The following ERC2 variants were observed in gnomAD, a reference collection of about 807,000 sequenced individuals.
The protein encoded by ERC2 is ERC protein 2.
In ERC2, 42 loss-of-function variants were observed where a neutral mutation model predicts 114.8. The observed-to-expected ratio is 0.37, with a 90% CI of 0.29 to 0.47. The LOEUF (loss-of-function observed/expected upper bound fraction) is 0.47. ERC2 is among the 20% of genes least tolerant of loss of function. The pLI, the probability that ERC2 is intolerant of heterozygous loss-of-function variation, is 0.99. For synonymous variants in ERC2, 454 were observed against 425.5 expected (o/e 1.07, Z -0.82); for missense variants, 939 against 1,150.7 (o/e 0.82, Z 2.66).
At chr3:56,022,129 C>T (rs933488404) in intron 7 of ERC2, among the ~76,000 whole-genome samples, 1 of 152,074 alleles carries the variant, frequency 6.6e-6, no homozygotes, top group Non-Finnish European at 1.5e-5. Flanking sequence ...GCCTATTATG[C>T]AAGTATTTAA....
chr3:56,082,690 C>A (rs894639308), intron 6 of ERC2, among the ~76,000 whole-genome samples: 1 of 152,080 alleles, frequency 6.6e-6, no homozygotes, highest in Non-Finnish European at 1.5e-5. Context: ...ATGTTTACTA[C>A]AACAAATCAA....
At chr3:56,022,181 G>C (rs943652103) in intron 7 of ERC2, among the ~76,000 whole-genome samples, 2 of 152,118 alleles carry the variant, frequency 1.3e-5, no homozygotes, top group Non-Finnish European at 2.9e-5. Flanking sequence ...GAAAATAGTA[G>C]ATCTTTAAAA....
At position 55,813,216 on chromosome 3, in the gene ERC2, C is replaced by T. The variant is rs145551595; in HGVS notation, c.2564+75173G>A. On this transcript the variant is annotated intron_variant, in intron 14 of 17. Transcript: ENST00000288221. ...CAAACCTTCTCAGGCTATACTAGTT[C>T]GGTTACCTATGCGTCCAATACAGTA... is the stretch of plus-strand genomic sequence containing the variant. Among the ~76,000 whole-genome samples, 508 of 152,302 alleles carry T rather than the reference C, an allele frequency of 3.3e-3. 3 individuals carry two copies. The highest frequency in any genetic ancestry group is 0.012 in the African/African-American group (479 of 41,570).
At position 56,033,024 on chromosome 3, in the gene ERC2, A is replaced by C. The variant is rs1421707024; in HGVS notation, c.1642-13993T>G. The stretch of plus-strand genomic sequence containing the variant: ...GAAAGAAAGAAAGAAAGAAAGAAAA[A>C]AGAAACAGAAAGAAAGAAAGAAAGA... On this transcript the variant is annotated intron_variant, in intron 7 of 17. Coordinates refer to ENST00000288221, the MANE Select transcript of ERC2 (RefSeq NM_015576.3). Among the ~76,000 whole-genome samples the C allele has an allele frequency of 3.6e-3, 271 of 75,540 alleles. 1 individual carries two copies. The highest frequency in any genetic ancestry group is 0.013 in the Middle Eastern group (2 of 156). 49.6% of individuals were successfully genotyped at this position (75,540 alleles called of 152,430 possible).
intron 2 of ERC2, among the ~76,000 whole-genome samples, chr3:56,420,664 T>A (rs1389263773): frequency 1.3e-5 from 2 of 150,556 alleles, no homozygotes; most frequent in African/African-American, 4.9e-5. Flanking sequence ...GACAGGCAGA[T>A]CACGAGGTCA....
chr3:55,970,574 A>G (rs188227168), intron 12 of ERC2, among the ~76,000 whole-genome samples: 1 of 152,206 alleles, frequency 6.6e-6, no homozygotes, highest in Non-Finnish European at 1.5e-5. Flanking sequence ...AATGGCCAAT[A>G]AGACCATGAA....
At chr3:55,702,991 C>T (rs572396957) in intron 15 of ERC2, among the ~76,000 whole-genome samples, 1 of 152,320 alleles carries the variant, frequency 6.6e-6, no homozygotes, top group Admixed American at 6.5e-5. Context: ...TTGCCTTTGG[C>T]TAACTGTGTT....
chr3:55,661,781 G>T (rs1395322946), intron 17 of ERC2, among the ~76,000 whole-genome samples: 1 of 152,038 alleles, frequency 6.6e-6, no homozygotes, highest in East Asian at 1.9e-4. Context: ...TTTAGTTTGG[G>T]CTATTTGTGG....
Position 56,434,867 on chromosome 3 carries a change from C to T in ERC2, c.141G>A (p.Glu47=). 8 of 1,613,836 alleles carry T rather than the reference C, an allele frequency of 5.0e-6. No individual in the cohort carries two copies. The highest frequency in any genetic ancestry group is 6.8e-6 in the Non-Finnish European group (8 of 1,179,876). ...GGGTGKTLSM[E]NIQSLNAAYA... Reference sequence around the variant, plus strand: ...AGGCTGCATTGAGGGACTGGATATTCTCCATAGACAGAGTCTTGCCTGTTC... The same window carrying T: ...AGGCTGCATTGAGGGACTGGATATTTTCCATAGACAGAGTCTTGCCTGTTC... The change falls in exon 2 of 18, where the codon GAG becomes GAA. Residue 47 remains glutamate (E), a synonymous_variant. Coordinates refer to ENST00000288221, the MANE Select transcript of ERC2 (RefSeq NM_015576.3).
At chr3:56,428,654 T>G (rs1407961717) in intron 2 of ERC2, among the ~76,000 whole-genome samples, 2 of 152,238 alleles carry the variant, frequency 1.3e-5, no homozygotes, top group African/African-American at 4.8e-5. Context: ...TCCATCTCGA[T>G]CTTTTCAAAT....
chr3:55,814,622 A>G (rs1231758664), intron 14 of ERC2, among the ~76,000 whole-genome samples: 5 of 152,268 alleles, frequency 3.3e-5, no homozygotes, highest in Non-Finnish European at 5.9e-5. Flanking sequence ...ATCTTTCTAT[A>G]GAAGTAGTTA....
At chr3:55,845,301 G>A (rs1445890411) in intron 14 of ERC2, among the ~76,000 whole-genome samples, 4 of 151,968 alleles carry the variant, frequency 2.6e-5, no homozygotes, top group Non-Finnish European at 4.4e-5. Flanking sequence ...TCAGGAGATC[G>A]AGACCATCCC....
At chr3:56,300,270 T>C (rs921159142) in intron 2 of ERC2, among the ~76,000 whole-genome samples, 3 of 135,812 alleles carry the variant, frequency 2.2e-5, no homozygotes, top group Admixed American at 7.8e-5. Flanking sequence ...TCCCTCATAC[T>C]CATGAAATAC....
At chr3:56,394,863 T>A (rs1576743404) in intron 2 of ERC2, among the ~76,000 whole-genome samples, 1 of 152,268 alleles carries the variant, frequency 6.6e-6, no homozygotes, top group South Asian at 2.1e-4. Context: ...AAATCTAGTA[T>A]ATTAACAGCA....
intron 1 of ERC2, among the ~76,000 whole-genome samples, chr3:56,438,155 A>G (rs1473802711): frequency 6.6e-6 from 1 of 152,232 alleles, no homozygotes; most frequent in Non-Finnish European, 1.5e-5. Context: ...CATTTGTCTT[A>G]TCTGAGTTCC....
intron 2 of ERC2, among the ~76,000 whole-genome samples, chr3:56,418,378 A>C (rs933552570): frequency 1.3e-5 from 2 of 151,470 alleles, no homozygotes; most frequent in Non-Finnish European, 2.9e-5. Context: ...CAGAGTCCTC[A>C]CCTGTCCTAA....
chr3:55,852,446 C>CACAACA (rs1269269041), intron 14 of ERC2: 2 of 154,616 alleles, frequency 1.3e-5, no homozygotes, highest in Non-Finnish European at 2.9e-5. Context: ...ACAGAAGAGG[C>CACAACA]ACAACAGCAA....
Position 56,095,068 on chromosome 3 carries a change from C to T in ERC2, c.1474-14084G>A, listed in dbSNP as rs184956676. 4.5e-3 allele frequency among the ~76,000 whole-genome samples: 683 copies of T among 152,166 alleles called. 1 individual carries two copies. Among genetic ancestry groups the T allele is most frequent in the Non-Finnish European group, 7.1e-3 (483 of 68,000 alleles). ...AGAAGTTTGAGGCAAGCCTGAGCAA[C>T]GTAGCAAGACCTCATTTATACTAAA... On this transcript the variant is annotated intron_variant, in intron 6 of 17. Transcript: ENST00000288221.
intron 16 of ERC2, among the ~76,000 whole-genome samples, chr3:55,690,219 T>C (rs896489222): frequency 2.0e-5 from 3 of 152,172 alleles, no homozygotes; most frequent in Non-Finnish European, 4.4e-5. Context: ...GTGCAGGGTA[T>C]GTTTAAAGGA....
Sources: allele counts gnomAD v4.1 joint callset (sites outside exome capture counted in the v4.1 genomes callset), GRCh38; gene constraint gnomAD v4.1.1; transcripts MANE v1.5; gene names NCBI Gene and HGNC (gene_info 2026-07-23, HGNC 2026-07-21).